The following C17orf75 variants were observed in gnomAD, a reference collection of about 807,000 sequenced individuals.
The protein encoded by C17orf75 is chromosome 17 open reading frame 75.
Under a neutral mutation model 49.6 loss-of-function variants are expected in C17orf75, and 32 were observed. The observed-to-expected ratio is 0.65, with a 90% CI of 0.49 to 0.87. The LOEUF is 0.87. Ranked by LOEUF, C17orf75 falls within the 40% of genes least tolerant of loss-of-function variation. C17orf75 has a pLI of 0.00. For synonymous variants in C17orf75, 158 were observed against 159.5 expected (o/e 0.99, Z 0.07); for missense variants, 428 against 473.9 (o/e 0.90, Z 0.90).
Position 32,331,586 on chromosome 17 carries a change from T to G in C17orf75, c.*177A>C. On this transcript the variant is annotated 3_prime_UTR_variant, in exon 10 of 10. Transcript: ENST00000577809. ...CTCACATACATTATCTATCTAGGAC[T>G]CAGTGAAGATGTTCTTCAGATTTTT... The G allele has an allele frequency of 1.6e-6, 1 of 610,480 alleles. No homozygotes were observed. The highest frequency in any genetic ancestry group is 2.9e-6 in the Non-Finnish European group (1 of 349,174). 37.8% of individuals were successfully genotyped at this position (610,480 alleles called of 1,614,324 possible). A position where few individuals can be genotyped will look rare whatever the true frequency, so the allele number is the denominator to read the frequency against.
chr17:32,340,644 CAA>C (rs762499682), intron 2 of C17orf75, among the ~76,000 whole-genome samples: 2 of 122,558 alleles, frequency 1.6e-5, no homozygotes, highest in African/African-American at 3.1e-5. Context: ...GACTCTGTCT[CAA>C]AAAAAAAAAA....
intron 5 of C17orf75, 22 bp from the exon 6 acceptor site, chr17:32,335,464 T>C: frequency 6.2e-7 from 1 of 1,611,414 alleles, no homozygotes; most frequent in Non-Finnish European, 8.5e-7. Context: ...AAGAACATCA[T>C]TTGCTTTAAT....
At position 32,339,794 on chromosome 17, in the gene C17orf75, C is replaced by T; in HGVS notation, c.347+19G>A. The T allele has an allele frequency of 6.2e-7, 1 of 1,612,976 alleles. No individual in the cohort carries two copies. The highest frequency in any genetic ancestry group is 8.5e-7 in the Non-Finnish European group (1 of 1,179,552). On this transcript the variant is annotated intron_variant, in intron 3 of 9. Coordinates refer to ENST00000577809, the MANE Select transcript of C17orf75 (RefSeq NM_022344.4). The stretch of plus-strand genomic sequence containing the variant: ...AGTTCAGAAATAAAAACTCAGGACA[C>T]AGCACATTTTGCACTTACTTTAGCT...
chr17:32,337,360 G>A (rs940393781), intron 5 of C17orf75, among the ~76,000 whole-genome samples: 2 of 152,052 alleles, frequency 1.3e-5, no homozygotes, highest in East Asian at 3.9e-4. Context: ...CTGTTTAGGA[G>A]GCTGAGGCGA....
intron 3 of C17orf75, among the ~76,000 whole-genome samples, chr17:32,339,139 T>C (rs946713517): frequency 5.3e-5 from 8 of 151,540 alleles, no homozygotes; most frequent in African/African-American, 1.9e-4. Context: ...GGAAAGACAG[T>C]TGGAATTGGA....
Position 32,337,910 on chromosome 17 carries a change from T to A in C17orf75, c.536A>T (p.Asn179Ile). The change falls in exon 5 of 10, where the codon AAC (asparagine) becomes ATC (isoleucine). Residue 179 changes from asparagine (N) to isoleucine (I), a missense_variant. Physicochemically the swap from Asn to Ile is moderately radical, Grantham distance 149 (BLOSUM62 -3). Transcript: ENST00000577809. ...CAGTCACCTTACCTCACAATTCATGTTATTTTTCAGCCCTTGAATGTACTT... is the reference window on the plus strand; with the variant it reads ...CAGTCACCTTACCTCACAATTCATGATATTTTTCAGCCCTTGAATGTACTT... ...LDKYIQGLKNNMNCEARGLES... is the reference protein window; with the variant it reads ...LDKYIQGLKNIMNCEARGLES... The A allele has an allele frequency of 6.2e-7, 1 of 1,605,482 alleles. No homozygotes were observed. Among genetic ancestry groups the A allele is most frequent in the Non-Finnish European group, 8.5e-7 (1 of 1,175,316 alleles).
At chr17:32,343,949 T>A (rs2041404903), upstream of C17orf75, 4 of 684,134 alleles carry the variant, frequency 5.8e-6, no homozygotes, top group Non-Finnish European at 1.1e-5. Context: ...AAGGCAGCCA[T>A]CTCCTAGAAA....
chr17:32,339,991 C>T, intron 2 of C17orf75, 53 bp from the exon 3 acceptor site: 1 of 1,599,358 alleles, frequency 6.3e-7, no homozygotes, highest in Non-Finnish European at 8.5e-7. Context: ...GTATTCACAC[C>T]CATTAAGTCA....
At chr17:32,339,688 C>T (rs2041360525) in intron 3 of C17orf75, 125 bp downstream of exon 3, 19 of 1,298,030 alleles carry the variant, frequency 1.5e-5, no homozygotes, top group Non-Finnish European at 2.0e-5. Flanking sequence ...GCCCAGTGCT[C>T]GGGCTGCCAG....
chr17:32,347,210 A>G (rs1486769043), intron 1 of C17orf75, among the ~76,000 whole-genome samples: 3 of 151,704 alleles, frequency 2.0e-5, no homozygotes, highest in Non-Finnish European at 2.9e-5. Context: ...ATCAACCCAC[A>G]TCGGCCTCCC....
At position 32,339,945 on chromosome 17, in the gene C17orf75, A is replaced by C; in HGVS notation, c.222-7T>G. The C allele has an allele frequency of 6.2e-7, 1 of 1,613,678 alleles. No individual in the cohort carries two copies. The highest frequency in any genetic ancestry group is 8.5e-7 in the Non-Finnish European group (1 of 1,179,746). On this transcript the variant is annotated splice_region_variant and splice_polypyrimidine_tract_variant and intron_variant, in intron 2 of 9. Transcript: ENST00000577809. ...AGTATCTGCCAAGGAGAGGCTTGAC[A>C]AATGAAAGACACACATTCTTTACCA...
chr17:32,349,080 G>T (rs544527616), intron 1 of C17orf75, among the ~76,000 whole-genome samples: 11 of 151,654 alleles, frequency 7.3e-5, no homozygotes, highest in Non-Finnish European at 1.3e-4. Context: ...CGGCCAGGCT[G>T]GTCTCGAACT....
chr17:32,348,504 C>G (rs889833390), intron 1 of C17orf75, among the ~76,000 whole-genome samples: 1 of 152,146 alleles, frequency 6.6e-6, no homozygotes. Context: ...GCTTGGCACA[C>G]GGTAGGTGCT....
chr17:32,333,666 AC>A (rs2150774207), intron 8 of C17orf75, 146 bp from the exon 9 acceptor site: 1 of 662,140 alleles, frequency 1.5e-6, no homozygotes, highest in South Asian at 2.1e-5. Flanking sequence ...ATGGGGTTTC[AC>A]CATATTGGCC....
rs2041257945 is a variant in C17orf75, at chr17:32,329,516, TAAAATA to T, written c.*2241_*2246del. ...CCATTTCATTAAAAAAAAAAAAAGA[TAAAATA>T]AGACTATCATATAGAGCTGTGTAAT... On this transcript the variant is annotated 3_prime_UTR_variant, in exon 10 of 10. Coordinates refer to ENST00000577809, the MANE Select transcript of C17orf75 (RefSeq NM_022344.4). 1 of 150,498 alleles carries T rather than the reference TAAAATA, an allele frequency of 6.6e-6. No homozygotes were observed. Among genetic ancestry groups the T allele is most frequent in the Admixed American group, 6.6e-5 (1 of 15,090 alleles). The allele number at this position is 150,498 out of a possible 1,614,324, so 9.3% of individuals were successfully genotyped here.
At chr17:32,341,698 A>G in intron 1 of C17orf75, 2 of 611,508 alleles carry the variant, frequency 3.3e-6, no homozygotes, top group Non-Finnish European at 4.3e-6. Flanking sequence ...GAAATTATTG[A>G]GCATGCGGGG....
chr17:32,332,563 G>C (rs546052140), intron 9 of C17orf75, among the ~76,000 whole-genome samples: 1 of 152,284 alleles, frequency 6.6e-6, no homozygotes, highest in African/African-American at 2.4e-5. Flanking sequence ...CCGGTAGTTT[G>C]AGACTAGCCT....
intron 1 of C17orf75, among the ~76,000 whole-genome samples, chr17:32,347,649 T>C (rs2041435551): frequency 6.6e-6 from 1 of 152,278 alleles, no homozygotes; most frequent in East Asian, 1.9e-4. Context: ...ACTCAGTGTC[T>C]GATGAGGGCA....
rs902631472 is a variant in C17orf75, at chr17:32,329,849, CTT to C, written c.*1912_*1913del. On this transcript the variant is annotated 3_prime_UTR_variant, in exon 10 of 10. Coordinates refer to ENST00000577809, the MANE Select transcript of C17orf75 (RefSeq NM_022344.4). Reference sequence around the variant, plus strand: ...TGCTGGTTTTCCTTAGTCACCCTGACTTTATTTTTTTGAGACAGAGTCTCGCT... The same window carrying C: ...TGCTGGTTTTCCTTAGTCACCCTGACTATTTTTTTGAGACAGAGTCTCGCT... 6.6e-5 allele frequency: 10 copies of C among 152,072 alleles called. No individual in the cohort carries two copies. The highest frequency in any genetic ancestry group is 8.8e-5 in the Non-Finnish European group (6 of 67,986). 9.4% of individuals were successfully genotyped at this position (152,072 alleles called of 1,614,324 possible). A position where few individuals can be genotyped will look rare whatever the true frequency, so the allele number is the denominator to read the frequency against.
Sources: allele counts gnomAD v4.1 joint callset (sites outside exome capture counted in the v4.1 genomes callset), GRCh38; gene constraint gnomAD v4.1.1; transcripts MANE v1.5; gene names NCBI Gene and HGNC (gene_info 2026-07-23, HGNC 2026-07-21).